GPR158: variants seen among roughly 807,000 people sequenced by gnomAD.
GPR158 encodes G protein-coupled receptor 158.
In GPR158, 30 loss-of-function variants were observed where a neutral mutation model predicts 78.2. That is an observed-to-expected ratio of 0.38 (90% CI 0.29 to 0.52). The LOEUF is 0.52. GPR158 is among the 20% of genes least tolerant of loss of function. The pLI is 0.83. For missense variants in GPR158, 1,463 were observed against 1,523.5 expected (o/e 0.96, Z 0.66); for synonymous variants, 581 against 591.1 (o/e 0.98, Z 0.25).
chr10:25,574,237 G>A (rs1026798776), intron 7 of GPR158, among the ~76,000 whole-genome samples: 4 of 147,016 alleles, frequency 2.7e-5, no homozygotes, highest in African/African-American at 1.0e-4. Flanking sequence ...AAGTTTTTAT[G>A]CATTGGAATT....
chr10:25,590,079 G>A (rs368374559), intron 8 of GPR158, among the ~76,000 whole-genome samples: 12 of 152,224 alleles, frequency 7.9e-5, no homozygotes, highest in Admixed American at 3.9e-4. Context: ...ATGGAAGAGC[G>A]GGTGGGAGAA....
intron 2 of GPR158, among the ~76,000 whole-genome samples, chr10:25,327,777 A>G (rs1855057428): frequency 6.6e-6 from 1 of 152,250 alleles, no homozygotes; most frequent in Non-Finnish European, 1.5e-5. Flanking sequence ...AGGTTAAAAG[A>G]GAGCAAAAGG....
chr10:25,184,909 C>T (rs2130632825), intron 1 of GPR158, among the ~76,000 whole-genome samples: 2 of 152,178 alleles, frequency 1.3e-5, no homozygotes, highest in East Asian at 3.9e-4. Context: ...TTTGATGCCT[C>T]AGACCGCTAT....
chr10:25,207,588 C>T (rs1853060571), intron 1 of GPR158, among the ~76,000 whole-genome samples: 1 of 152,082 alleles, frequency 6.6e-6, no homozygotes, highest in African/African-American at 2.4e-5. Context: ...AATCGAATGC[C>T]ACCGCTGATC....
chr10:25,390,506 CT>C (rs1186612401), intron 2 of GPR158, among the ~76,000 whole-genome samples: 3 of 152,238 alleles, frequency 2.0e-5, no homozygotes, highest in African/African-American at 7.2e-5. Flanking sequence ...CATTCTGCCC[CT>C]GCCCTAGAGA....
intron 2 of GPR158, among the ~76,000 whole-genome samples, chr10:25,268,735 G>A (rs978145542): frequency 6.6e-6 from 1 of 152,142 alleles, no homozygotes. Flanking sequence ...GAATATAGAA[G>A]AGTAGAGTAA....
chr10:25,267,300 G>A (rs1564406460), intron 2 of GPR158, among the ~76,000 whole-genome samples: 1 of 152,128 alleles, frequency 6.6e-6, no homozygotes, highest in Non-Finnish European at 1.5e-5. Flanking sequence ...GGAAGGGGAA[G>A]CAAACATGCC....
chr10:25,580,903 T>A (rs1261126122), intron 7 of GPR158, among the ~76,000 whole-genome samples: 3 of 116,270 alleles, frequency 2.6e-5, no homozygotes, highest in South Asian at 2.8e-4. Context: ...TTTTTTTATT[T>A]TTTTATTTTA....
chr10:25,297,061 C>G (rs984708801), intron 2 of GPR158, among the ~76,000 whole-genome samples: 2 of 152,196 alleles, frequency 1.3e-5, no homozygotes, highest in Non-Finnish European at 2.9e-5. Context: ...GGCTGGCACT[C>G]TGCCACTCTA....
intron 5 of GPR158, among the ~76,000 whole-genome samples, chr10:25,518,532 A>T (rs1450026886): frequency 1.2e-5 from 1 of 80,816 alleles, no homozygotes; most frequent in South Asian, 3.8e-4. Context: ...TTCCCTCTAC[A>T]CACTGCTTTG....
intron 2 of GPR158, among the ~76,000 whole-genome samples, chr10:25,301,605 G>A (rs1854594740): frequency 6.6e-6 from 1 of 151,478 alleles, no homozygotes; most frequent in South Asian, 2.1e-4. Context: ...AAGTAGAAAG[G>A]TATTGAAAAA....
At chr10:25,267,432 C>T (rs1247351665) in intron 2 of GPR158, among the ~76,000 whole-genome samples, 2 of 152,018 alleles carry the variant, frequency 1.3e-5, no homozygotes, top group Non-Finnish European at 2.9e-5. Context: ...GGAAACTGCC[C>T]CCATGATTCA....
intron 2 of GPR158, among the ~76,000 whole-genome samples, chr10:25,364,849 T>C (rs1855695018): frequency 6.6e-6 from 1 of 151,796 alleles, no homozygotes; most frequent in Admixed American, 6.6e-5. Context: ...GTGGTTAGAA[T>C]TAGATTTAGA....
At chr10:25,590,996 T>G (rs1431603458) in intron 8 of GPR158, among the ~76,000 whole-genome samples, 1 of 152,168 alleles carries the variant, frequency 6.6e-6, no homozygotes, top group East Asian at 1.9e-4. Flanking sequence ...TGGTAAACTA[T>G]TCTTAAATGA....
intron 4 of GPR158, among the ~76,000 whole-genome samples, chr10:25,423,127 A>ACG (rs1834775164): frequency 1.5e-5 from 2 of 129,180 alleles, no homozygotes; most frequent in South Asian, 3.1e-4. Flanking sequence ...ATACATATAT[A>ACG]TGTATATACA....
At chr10:25,494,695 G>T (rs561645096) in intron 5 of GPR158, among the ~76,000 whole-genome samples, 1 of 151,758 alleles carries the variant, frequency 6.6e-6, no homozygotes, top group African/African-American at 2.4e-5. Context: ...TGTTTCAGGC[G>T]ATTTTAAACC....
intron 4 of GPR158, among the ~76,000 whole-genome samples, chr10:25,442,203 T>A (rs1835077137): frequency 6.9e-6 from 1 of 143,996 alleles, no homozygotes. Flanking sequence ...GAAAGGAGTT[T>A]TAAGGTTTTT....
At chr10:25,469,891 G>A (rs1478345052) in intron 5 of GPR158, among the ~76,000 whole-genome samples, 3 of 147,550 alleles carry the variant, frequency 2.0e-5, no homozygotes, top group Admixed American at 6.8e-5. Context: ...CTCCTGGATT[G>A]TTGCCATGTT....
intron 7 of GPR158, among the ~76,000 whole-genome samples, chr10:25,588,333 G>T (rs892928025): frequency 6.6e-6 from 1 of 152,176 alleles, no homozygotes. Flanking sequence ...ATCTAACACG[G>T]TGCTGAAGTC....
Sources: allele counts gnomAD v4.1 joint callset (sites outside exome capture counted in the v4.1 genomes callset), GRCh38; gene constraint gnomAD v4.1.1; transcripts MANE v1.5; gene names NCBI Gene and HGNC (gene_info 2026-07-23, HGNC 2026-07-21).